The following ARK2C variants were observed in gnomAD, a reference collection of about 807,000 sequenced individuals.
ARK2C encodes the protein arkadia (RNF111) C-terminal like ring finger ubiquitin ligase 2C, also known as E3 ubiquitin-protein ligase ARK2C.
chr18:46,359,192 T>C, the ARK2C span, among the ~76,000 whole-genome samples: 2 of 152,218 alleles, frequency 1.3e-5, no homozygotes. Flanking sequence ...CACATGGCAA[T>C]TTCTGCATGA....
At chr18:46,384,399 C>T in the ARK2C span, among the ~76,000 whole-genome samples, 1 of 152,186 alleles carries the variant, frequency 6.6e-6, no homozygotes, top group Non-Finnish European at 1.5e-5. Flanking sequence ...TGCAGAGATG[C>T]TCTTCTTCAG....
the ARK2C span, chr18:46,450,684 G>A: frequency 5.6e-6 from 9 of 1,595,844 alleles, no homozygotes; most frequent in Non-Finnish European, 7.7e-6. Context: ...GCACACATGT[G>A]CACATTTTTC....
chr18:46,377,448 T>A, the ARK2C span, among the ~76,000 whole-genome samples: 1 of 152,136 alleles, frequency 6.6e-6, no homozygotes, highest in Admixed American at 6.5e-5. Context: ...GTGTGGAGCA[T>A]CCCGAGAACC....
the ARK2C span, among the ~76,000 whole-genome samples, chr18:46,361,003 C>T: frequency 6.6e-6 from 1 of 152,232 alleles, no homozygotes; most frequent in Non-Finnish European, 1.5e-5. Flanking sequence ...GAAACATTAC[C>T]TTTTCTGCAA....
the ARK2C span, among the ~76,000 whole-genome samples, chr18:46,348,131 G>A: frequency 6.6e-6 from 1 of 151,958 alleles, no homozygotes; most frequent in Non-Finnish European, 1.5e-5. Flanking sequence ...CAGACATCCT[G>A]GGGAGGGCAA....
At chr18:46,443,378 T>A in the ARK2C span, among the ~76,000 whole-genome samples, 3 of 152,218 alleles carry the variant, frequency 2.0e-5, no homozygotes, top group Non-Finnish European at 4.4e-5. Flanking sequence ...TATCACACTC[T>A]ACCCTAAAAT....
chr18:46,373,611 AG>A, the ARK2C span, among the ~76,000 whole-genome samples: 1 of 152,218 alleles, frequency 6.6e-6, no homozygotes, highest in Non-Finnish European at 1.5e-5. Context: ...AGTGACGTTG[AG>A]GCTGAGAGCT....
the ARK2C span, among the ~76,000 whole-genome samples, chr18:46,424,835 C>T: frequency 6.6e-6 from 1 of 152,252 alleles, no homozygotes; most frequent in African/African-American, 2.4e-5. Flanking sequence ...GTGACTCTGC[C>T]TGGCTTTGAA....
At chr18:46,456,705 C>T in the ARK2C span, 1 of 1,109,558 alleles carries the variant, frequency 9.0e-7, no homozygotes, top group East Asian at 2.4e-5. Context: ...CCCTTGCAGC[C>T]AAACTTTGCC....
At chr18:46,423,799 T>C in the ARK2C span, among the ~76,000 whole-genome samples, 2 of 152,228 alleles carry the variant, frequency 1.3e-5, no homozygotes, top group African/African-American at 4.8e-5. Flanking sequence ...TTAGCTAGGA[T>C]ATTGGAGGAT....
At chr18:46,384,358 G>T in the ARK2C span, among the ~76,000 whole-genome samples, 49 of 152,300 alleles carry the variant, frequency 3.2e-4, no homozygotes, top group African/African-American at 1.1e-3. Flanking sequence ...TATGTGTGTG[G>T]GGGGGATTCT....
the ARK2C span, among the ~76,000 whole-genome samples, chr18:46,358,596 G>C: frequency 6.6e-6 from 1 of 152,140 alleles, no homozygotes; most frequent in East Asian, 1.9e-4. Flanking sequence ...CTTCAGGTGT[G>C]GTGGCTGTGG....
chr18:46,411,412 A>T, the ARK2C span, among the ~76,000 whole-genome samples: 1 of 152,308 alleles, frequency 6.6e-6, no homozygotes, highest in South Asian at 2.1e-4. Context: ...GTATGCTCTG[A>T]GTCAGCTGAT....
the ARK2C span, among the ~76,000 whole-genome samples, chr18:46,442,141 C>G: frequency 2.8e-5 from 4 of 142,408 alleles, no homozygotes; most frequent in Non-Finnish European, 6.0e-5. Context: ...CCAGCCTGGG[C>G]GACAGAGCGA....
At chr18:46,455,148 G>A in the ARK2C span, among the ~76,000 whole-genome samples, 2 of 152,128 alleles carry the variant, frequency 1.3e-5, no homozygotes, top group Non-Finnish European at 2.9e-5. Context: ...TTTCTGGATA[G>A]AAAGATAAAT....
chr18:46,421,881 C>A, the ARK2C span, among the ~76,000 whole-genome samples: 2 of 152,150 alleles, frequency 1.3e-5, no homozygotes, highest in Non-Finnish European at 2.9e-5. Context: ...CAAAGCCTGG[C>A]CCTGGGGAAG....
the ARK2C span, chr18:46,447,407 T>C: frequency 4.3e-5 from 33 of 775,922 alleles, no homozygotes; most frequent in Non-Finnish European, 6.1e-5. Context: ...TTTCCTTCCC[T>C]CTGAAGAGAG....
chr18:46,383,550 G>GTTTTTT, the ARK2C span, among the ~76,000 whole-genome samples: 15 of 97,890 alleles, frequency 1.5e-4, no homozygotes, highest in East Asian at 2.9e-4. Context: ...GGTTTTCTCT[G>GTTTTTT]TTTTTTTTTT....
the ARK2C span, among the ~76,000 whole-genome samples, chr18:46,399,717 C>A: frequency 6.6e-6 from 1 of 152,160 alleles, no homozygotes; most frequent in Non-Finnish European, 1.5e-5. Flanking sequence ...AGGTGAGGAA[C>A]TGAGAGGCAG....
Sources: gnomAD v4.1 joint callset for allele counts (sites outside exome capture counted in the v4.1 genomes callset) on GRCh38, gnomAD v4.1.1 for gene constraint, MANE v1.5 for transcripts, NCBI Gene and HGNC (gene_info 2026-07-23, HGNC 2026-07-21) for gene names.